The following SEC16A variants were observed in gnomAD, a reference collection of about 807,000 sequenced individuals.
SEC16A encodes SEC16 homolog A, endoplasmic reticulum export factor, also known as protein transport protein Sec16A.
SEC16A carries 110 observed loss-of-function variants against 221.9 expected under a neutral mutation model. The observed-to-expected ratio is 0.50, with a 90% CI of 0.42 to 0.58. The LOEUF is 0.58. Among genes scored for constraint, SEC16A ranks in the 20% least tolerant of loss-of-function variants. The pLI, the probability that SEC16A is intolerant of heterozygous loss-of-function variation, is 0.00. For synonymous variants in SEC16A, 1,393 were observed against 1,257.7 expected, an observed-to-expected ratio of 1.11 and a Z score of -2.28; for missense variants, 3,165 against 3,097.8, an observed-to-expected ratio of 1.02 and a Z score of -0.52.
At chr9:136,451,162 A>G in intron 23 of SEC16A, 94 bp downstream of exon 23, 1 of 1,291,472 alleles carries the variant, frequency 7.7e-7, no homozygotes, top group Non-Finnish European at 1.1e-6. Flanking sequence ...GGCTATTTGC[A>G]TGTGTGGTGA....
chr9:136,451,566 G>A (rs2131998636), intron 22 of SEC16A, among the ~76,000 whole-genome samples, 158 bp from the exon 23 acceptor site: 1 of 152,292 alleles, frequency 6.6e-6, no homozygotes, highest in African/African-American at 2.4e-5. Context: ...GCTGGGGAGA[G>A]CAGCCCCCTG....
In SEC16A at chr9:136,474,406, G is replaced by A; in HGVS notation, c.3210C>T (p.Pro1070=). ...AAAACATGGCTTTGGGTAGTTGTGG[G>A]GGAGAAGCCTGTTGCTGGGGTGGCA... ...ELVPPQQQAS[P]PQLPKAMFSE... Residue 1070 remains proline, a synonymous_variant, in exon 3 of 32, where the codon CCC becomes CCT. Coordinates refer to ENST00000684901, the MANE Select transcript of SEC16A (RefSeq NM_014866.2). 2 of 1,612,832 alleles carry A rather than the reference G, an allele frequency of 1.2e-6. No homozygotes were observed. The highest frequency in any genetic ancestry group is 2.2e-5 in the East Asian group (1 of 44,890).
At chr9:136,444,965 G>A (rs372521389) in intron 30 of SEC16A, 87 bp downstream of exon 30, 40 of 1,097,732 alleles carry the variant, frequency 3.6e-5, no homozygotes, top group Non-Finnish European at 4.7e-5. Flanking sequence ...GTGGCAAAGC[G>A]CACGTGGCGA....
At chr9:136,448,748 G>T (rs1179623199) in intron 23 of SEC16A, 14 of 703,358 alleles carry the variant, frequency 2.0e-5, no homozygotes, top group Middle Eastern at 2.3e-4. Context: ...GGATGGAGGT[G>T]GGGGGCAGAT....
At chr9:136,454,054 A>G (rs1278805811) in intron 21 of SEC16A, 55 bp downstream of exon 21, 7 of 1,460,460 alleles carry the variant, frequency 4.8e-6, no homozygotes, top group African/African-American at 2.8e-5. Context: ...CAATCCCCAC[A>G]AACACCACAC....
At position 136,475,419 on chromosome 9, in the gene SEC16A, C is replaced by T; in HGVS notation, c.2197G>A (p.Asp733Asn). 6.2e-7 allele frequency: 1 copy of T among 1,610,904 alleles called. No individual in the cohort carries two copies. The highest frequency in any genetic ancestry group is 8.5e-7 in the Non-Finnish European group (1 of 1,177,900). The change falls in exon 3 of 32, where the codon GAT becomes AAT. Residue 733 changes from aspartate to asparagine, a missense_variant. This residue lies in a region of SEC16A where 2,030 missense variants were observed against 1,923.1 expected (regional missense o/e 1.06). Coordinates refer to ENST00000684901, the MANE Select transcript of SEC16A (RefSeq NM_014866.2). This position sits in a 1 kb window ranked among gnomAD's most constrained non-coding sequence, Gnocchi z 5.0. ...TTLWAQSELP[D>N]FGGNVLLAPA... ...GCCAGAAGGACGTTGCCTCCAAAATCTGGCAGCTCACTTTGCGCCCACAGA... is the reference window on the plus strand; with the variant it reads ...GCCAGAAGGACGTTGCCTCCAAAATTTGGCAGCTCACTTTGCGCCCACAGA...
At position 136,466,323 on chromosome 9, in the gene SEC16A, G is replaced by A; in HGVS notation, c.4069C>T (p.Leu1357=). Reference sequence around the variant, plus strand: ...CTGGCCAGGCTGTGTGCGCTGTGCAGGCTCCGTGCCGAGTGCTCGCTGTGG... The same window carrying A: ...CTGGCCAGGCTGTGTGCGCTGTGCAAGCTCCGTGCCGAGTGCTCGCTGTGG... ...SVHSEHSARS[L]HSAHSLASRR... Residue 1357 remains leucine (L), a synonymous_variant, in exon 7 of 32, where the codon CTG becomes TTG. Transcript: ENST00000684901. This position sits in a 1 kb window ranked among gnomAD's most constrained non-coding sequence, Gnocchi z 5.5. 6.4e-7 allele frequency: 1 copy of A among 1,571,030 alleles called. No homozygotes were observed. Among genetic ancestry groups the A allele is most frequent in the South Asian group, 1.1e-5 (1 of 87,038 alleles).
At chr9:136,471,639 T>C (rs1179515293) in intron 4 of SEC16A, among the ~76,000 whole-genome samples, 1 of 152,136 alleles carries the variant, frequency 6.6e-6, no homozygotes, top group Non-Finnish European at 1.5e-5. Flanking sequence ...CATTAGCAAA[T>C]GGCCGGACCA....
Position 136,441,674 on chromosome 9 carries a change from G to T in SEC16A, c.*81C>A, listed in dbSNP as rs541098675. Reference sequence around the variant, plus strand: ...TGCTGTGTCTCCCTGGGGGCGGGACGGAGATCGCGGAGGTCGGTCGGGTTC... The same window carrying T: ...TGCTGTGTCTCCCTGGGGGCGGGACTGAGATCGCGGAGGTCGGTCGGGTTC... On this transcript the variant is annotated 3_prime_UTR_variant, in exon 32 of 32. Transcript: ENST00000684901. 5 of 1,272,452 alleles carry T rather than the reference G, an allele frequency of 3.9e-6. No individual in the cohort carries two copies. The South Asian group carries it at 6.0e-5, about 15-fold the overall frequency. The allele number at this position is 1,272,452 out of a possible 1,614,324, so 78.8% of individuals were successfully genotyped here.
At chr9:136,478,913 G>A (rs1476165499) in intron 1 of SEC16A, among the ~76,000 whole-genome samples, 83 bp from the exon 2 acceptor site, 2 of 151,910 alleles carry the variant, frequency 1.3e-5, no homozygotes, top group Non-Finnish European at 2.9e-5. Context: ...TCATCTAAAT[G>A]CCTTTTATCA....
Position 136,454,343 on chromosome 9 carries a change from G to A in SEC16A, c.5858-16C>T, listed in dbSNP as rs1838304478. Reference sequence around the variant, plus strand: ...GTCTGCGGAGCTGCATGGGAACGGTGGAGAAGAGGTCTGGGGTTACTGAGG... The same window carrying A: ...GTCTGCGGAGCTGCATGGGAACGGTAGAGAAGAGGTCTGGGGTTACTGAGG... On this transcript the variant is annotated splice_polypyrimidine_tract_variant and intron_variant, in intron 20 of 31. Transcript: ENST00000684901. The A allele has an allele frequency of 6.4e-7, 1 of 1,559,292 alleles. No homozygotes were observed. Among genetic ancestry groups the A allele is most frequent in the Non-Finnish European group, 8.7e-7 (1 of 1,151,306 alleles).
Position 136,447,354 on chromosome 9 carries a change from TCTGGTTCCTG to T in SEC16A, c.6560_6569del (p.Ala2187GlufsTer8). 1.3e-6 allele frequency: 2 copies of T among 1,598,496 alleles called. No individual in the cohort carries two copies. The highest frequency in any genetic ancestry group is 1.7e-6 in the Non-Finnish European group (2 of 1,173,230). On this transcript the variant is annotated frameshift_variant and splice_region_variant, in exon 27 of 32. Coordinates refer to ENST00000684901, the MANE Select transcript of SEC16A (RefSeq NM_014866.2). LOFTEE classifies it high-confidence loss of function. This position sits in a 1 kb window ranked among gnomAD's most constrained non-coding sequence, Gnocchi z 5.5. ...GGTTCAGGACGTCAACGTAGCGAGC[TCTGGTTCCTG>T]CTGCAAAGGGGAGGGAAGCAAATTG...
chr9:136,455,684 G>T lies in SEC16A; in HGVS notation c.5774C>A (p.Ala1925Asp). Residue 1925 changes from alanine (A) to aspartate (D), a missense_variant, in exon 20 of 32, where the codon GCC (alanine) becomes GAC (aspartate). Ala to Asp is a moderately radical substitution (Grantham distance 126). Coordinates refer to ENST00000684901, the MANE Select transcript of SEC16A (RefSeq NM_014866.2). ...LDRPGLSQPG[A>D]LGIANPLLAV... The stretch of plus-strand genomic sequence containing the variant: ...CAGCAGAGGGTTGGCGATCCCCAGG[G>T]CTCCTGGCTGACTGAGTCCTGGCCT... 6.3e-7 allele frequency: 1 copy of T among 1,593,746 alleles called. No individual in the cohort carries two copies. Among genetic ancestry groups the T allele is most frequent in the Non-Finnish European group, 8.5e-7 (1 of 1,171,022 alleles).
Position 136,447,305 on chromosome 9 carries a change from G to C in SEC16A, c.6619C>G (p.Pro2207Ala). The C allele has an allele frequency of 6.3e-7, 1 of 1,593,270 alleles. No homozygotes were observed. Among genetic ancestry groups the C allele is most frequent in the South Asian group, 1.1e-5 (1 of 87,712 alleles). The change falls in exon 27 of 32, where the codon CCG becomes GCG. Residue 2207 changes from proline (P) to alanine (A), a missense_variant. Transcript: ENST00000684901. This position sits in a 1 kb window ranked among gnomAD's most constrained non-coding sequence, Gnocchi z 5.5. Reference protein sequence around the residue: ...LNPSGTQRSEPALAPADFVAP... With the variant: ...LNPSGTQRSEAALAPADFVAP... ...ACAAAGTCCGCAGGAGCGAGAGCCG[G>C]CTCGCTCCGCTGGGTCCCGCTTGGG...
At position 136,451,416 on chromosome 9, in the gene SEC16A, A is replaced by G. The variant is rs777795454; in HGVS notation, c.6160-8T>C. The G allele has an allele frequency of 2.8e-5, 45 of 1,588,846 alleles. 1 individual carries two copies. The South Asian group carries it at 4.7e-4, about 17-fold the overall frequency. ...CACCGTCCTCGAGGGGGTCTGTCGC[A>G]AGGAAATGCAGAACAGGCTCTCCTG... On this transcript the variant is annotated splice_region_variant and splice_polypyrimidine_tract_variant and intron_variant, in intron 22 of 31. Transcript: ENST00000684901.
chr9:136,459,293 A>T lies in SEC16A; in HGVS notation c.5304-54T>A. 6.5e-7 allele frequency: 1 copy of T among 1,547,308 alleles called. No individual in the cohort carries two copies. The highest frequency in any genetic ancestry group is 1.1e-5 in the South Asian group (1 of 88,142). The stretch of plus-strand genomic sequence containing the variant: ...GGAAAAAATGGCCAATTATTGGCAT[A>T]GTCAACCTTGGAGCAAATCATCCAG... On this transcript the variant is annotated intron_variant, in intron 16 of 31. Coordinates refer to ENST00000684901, the MANE Select transcript of SEC16A (RefSeq NM_014866.2). The surrounding 1 kb of genome is among the most constrained non-coding windows in gnomAD (Gnocchi z 6.1).
chr9:136,460,723 G>C (rs528708652), intron 13 of SEC16A, among the ~76,000 whole-genome samples: 1 of 151,870 alleles, frequency 6.6e-6, no homozygotes, highest in Non-Finnish European at 1.5e-5. Flanking sequence ...GACCGGCCTG[G>C]CCAACATGGC....
At chr9:136,462,802 G>A (rs1346057795) in intron 12 of SEC16A, 85 bp downstream of exon 12, 21 of 1,491,380 alleles carry the variant, frequency 1.4e-5, no homozygotes, top group Admixed American at 6.0e-5. Flanking sequence ...AGGGGGCCAC[G>A]TCCCTCCCTG....
chr9:136,483,475 C>T (rs1287748047), upstream of SEC16A: 1 of 881,604 alleles, frequency 1.1e-6, no homozygotes, highest in Non-Finnish European at 1.3e-6. Context: ...CCGCCCGTGG[C>T]CCCGCCCCCC....
Sources: allele counts gnomAD v4.1 joint callset (sites outside exome capture counted in the v4.1 genomes callset), GRCh38; gene constraint gnomAD v4.1.1; regional missense constraint gnomAD v4.1.1; non-coding constraint Gnocchi (gnomAD v3.1); transcripts MANE v1.5; gene names NCBI Gene and HGNC (gene_info 2026-07-23, HGNC 2026-07-21).